Variants in PCDHA1 observed in about 807,000 individuals in gnomAD.
The protein encoded by PCDHA1 is protocadherin alpha 1, also known as protocadherin alpha-1.
In PCDHA1, 42 loss-of-function variants were observed where a neutral mutation model predicts 61.3. That is an observed-to-expected ratio of 0.69 (90% CI 0.54 to 0.89). PCDHA1 has a LOEUF of 0.89. Ranked by LOEUF, PCDHA1 falls within the 40% of genes least tolerant of loss-of-function variation. PCDHA1 has a pLI of 0.00. For synonymous variants in PCDHA1, 610 were observed against 553.8 expected (o/e 1.10, Z -1.43); for missense variants, 1,256 against 1,235.3 (o/e 1.02, Z -0.25).
intron 1 of PCDHA1, chr5:140,829,624 C>T (rs2150171535): frequency 8.4e-5 from 136 of 1,612,064 alleles, no homozygotes; most frequent in Non-Finnish European, 1.1e-4. Flanking sequence ...TTTCGGTGCA[C>T]GCGGAGAGCG....
intron 1 of PCDHA1, chr5:140,882,756 G>T: frequency 6.2e-7 from 1 of 1,614,238 alleles, no homozygotes; most frequent in Non-Finnish European, 8.5e-7. Flanking sequence ...GCAGATATTG[G>T]AGTAAACTCG....
intron 1 of PCDHA1, chr5:140,796,732 G>C: frequency 6.2e-7 from 1 of 1,614,114 alleles, no homozygotes. Flanking sequence ...TGCAGGGCAC[G>C]TGGTGGCGAA....
intron 1 of PCDHA1, among the ~76,000 whole-genome samples, chr5:140,819,469 A>G (rs1456251463): frequency 6.6e-6 from 1 of 152,158 alleles, no homozygotes; most frequent in African/African-American, 2.4e-5. Flanking sequence ...ACTTCTGTTT[A>G]CACAATGATG....
At chr5:140,873,449 T>G (rs565390619) in intron 1 of PCDHA1, among the ~76,000 whole-genome samples, 1 of 152,310 alleles carries the variant, frequency 6.6e-6, no homozygotes, top group Non-Finnish European at 1.5e-5. Flanking sequence ...AATAACAAAT[T>G]TGCATTTTAG....
chr5:140,821,588 C>T, intron 1 of PCDHA1: 3 of 650,426 alleles, frequency 4.6e-6, no homozygotes, highest in Middle Eastern at 4.2e-4. Context: ...TTCTCCCTTC[C>T]CAGCCTCAAA....
At chr5:140,823,284 G>A (rs1319808808) in intron 1 of PCDHA1, 1 of 1,612,332 alleles carries the variant, frequency 6.2e-7, no homozygotes, top group Admixed American at 1.7e-5. Context: ...AGCGCCCGCT[G>A]TCGAGTTACG....
chr5:140,988,658 T>C (rs1470835683), intron 3 of PCDHA1, among the ~76,000 whole-genome samples: 7 of 152,232 alleles, frequency 4.6e-5, no homozygotes, highest in African/African-American at 9.6e-5. Flanking sequence ...TTTTTGTTTA[T>C]GAATAGACTC....
At chr5:140,979,525 T>A (rs1347519268) in intron 2 of PCDHA1, among the ~76,000 whole-genome samples, 1 of 152,244 alleles carries the variant, frequency 6.6e-6, no homozygotes, top group Non-Finnish European at 1.5e-5. Flanking sequence ...TGTTGCTATC[T>A]TATTGTCATC....
intron 1 of PCDHA1, among the ~76,000 whole-genome samples, chr5:140,840,617 T>C (rs2150308160): frequency 2.0e-5 from 3 of 152,150 alleles, no homozygotes; most frequent in African/African-American, 7.2e-5. Context: ...AGGCTGAATT[T>C]AACAAGCTAT....
At chr5:140,991,452 C>T (rs1162146299) in intron 3 of PCDHA1, among the ~76,000 whole-genome samples, 3 of 152,184 alleles carry the variant, frequency 2.0e-5, no homozygotes, top group African/African-American at 7.2e-5. Context: ...TAAAACAACA[C>T]AATGTATTAT....
intron 1 of PCDHA1, chr5:140,842,268 A>C: frequency 6.2e-7 from 1 of 1,610,534 alleles, no homozygotes; most frequent in South Asian, 1.1e-5. Context: ...GAAAACTTAT[A>C]CAAAATCCTC....
intron 1 of PCDHA1, chr5:140,883,651 G>A (rs782597421): frequency 1.9e-6 from 3 of 1,613,652 alleles, no homozygotes; most frequent in Middle Eastern, 1.7e-4. Flanking sequence ...CCGAGTACAC[G>A]GTGTTCGTGA....
intron 1 of PCDHA1, chr5:140,861,256 C>T (rs553582293): frequency 1.8e-5 from 3 of 166,694 alleles, no homozygotes; most frequent in African/African-American, 7.2e-5. Flanking sequence ...GCCAGGAATC[C>T]CGGAGCCTAC....
chr5:140,925,124 A>AGGAAGGAAGGAAGGAAGGAAGGAAGG, intron 1 of PCDHA1, among the ~76,000 whole-genome samples: 1 of 151,856 alleles, frequency 6.6e-6, no homozygotes, highest in Non-Finnish European at 1.5e-5. Flanking sequence ...GAAGGAAGGA[A>AGGAAGGAAGGAAGGAAGGAAGGAAGG]AAAAAATTTC....
chr5:140,852,802 T>G (rs2042479585), intron 1 of PCDHA1: 1 of 976,830 alleles, frequency 1.0e-6, no homozygotes, highest in Admixed American at 6.3e-5. Context: ...CAGATGTCAT[T>G]TGTCTCCCGC....
chr5:140,805,279 T>C (rs1763539905), intron 1 of PCDHA1: 60 of 1,278,380 alleles, frequency 4.7e-5, no homozygotes, highest in Non-Finnish European at 5.8e-5. Context: ...ATATTACAAA[T>C]GAAATGGGTG....
chr5:140,846,023 G>A lies in PCDHA1; in HGVS notation c.2394+57339G>A, dbSNP rs190415681. Among the ~76,000 whole-genome samples, 29 of 149,662 alleles carry A rather than the reference G, an allele frequency of 1.9e-4. No homozygotes were observed. The East Asian group carries it at 5.2e-3, about 27-fold the overall frequency. ...ATGAAAAAAATCTAAAAGTTATTACGAGTTTAGGAAAGTCAAGTTAACACC... is the reference window on the plus strand; with the variant it reads ...ATGAAAAAAATCTAAAAGTTATTACAAGTTTAGGAAAGTCAAGTTAACACC... On this transcript the variant is annotated intron_variant, in intron 1 of 3. Transcript: ENST00000504120.
chr5:140,907,083 G>T (rs770380704), intron 1 of PCDHA1, among the ~76,000 whole-genome samples: 56 of 152,144 alleles, frequency 3.7e-4, no homozygotes, highest in Non-Finnish European at 7.1e-4. Context: ...AGGGGTGATG[G>T]TAAGTGGTGC....
rs2150325780 is a variant in PCDHA1 at position 140,841,933 on chromosome 5, C to A, written c.2394+53249C>A. 1.5e-5 allele frequency: 24 copies of A among 1,613,740 alleles called. 1 individual carries two copies. Among genetic ancestry groups the A allele is most frequent in the South Asian group, 4.4e-5 (4 of 91,086 alleles). ...TAAGAAAATCCTTGGACAGAGAGGA[C>A]GCTCCTGCGCACCACTTATTCCTGA... On this transcript the variant is annotated intron_variant, in intron 1 of 3. Transcript: ENST00000504120.
Sources: gnomAD v4.1 joint callset for allele counts (sites outside exome capture counted in the v4.1 genomes callset) on GRCh38, gnomAD v4.1.1 for gene constraint, MANE v1.5 for transcripts, NCBI Gene and HGNC (gene_info 2026-07-23, HGNC 2026-07-21) for gene names.